The following WASHC2A variants were observed in gnomAD, a reference collection of about 807,000 sequenced individuals.
WASHC2A encodes WASH complex subunit 2A.
Under a neutral mutation model 140.3 loss-of-function variants are expected in WASHC2A, and 82 were observed. The observed-to-expected ratio is 0.58, with a 90% confidence interval of 0.49 to 0.70. The LOEUF (loss-of-function observed/expected upper bound fraction) is 0.70, where lower values mean the gene tolerates loss of function less well. Ranked by LOEUF, WASHC2A falls within the 30% of genes least tolerant of loss-of-function variation. WASHC2A has a pLI of 0.00. For synonymous variants in WASHC2A, 340 were observed against 560.8 expected (o/e 0.61, Z 5.56); for missense variants, 985 against 1,521.8 (o/e 0.65, Z 5.87).
At chr10:50,071,618 TTG>T (rs1425776806) in intron 3 of WASHC2A, among the ~76,000 whole-genome samples, 1 of 150,162 alleles carries the variant, frequency 6.7e-6, no homozygotes, top group East Asian at 1.9e-4. Context: ...GAAGTTTACT[TTG>T]TACCCAGTGT....
At chr10:50,080,070 T>C (rs1838757345) in intron 4 of WASHC2A, among the ~76,000 whole-genome samples, 1 of 152,094 alleles carries the variant, frequency 6.6e-6, no homozygotes, top group African/African-American at 2.4e-5. Context: ...CTAAATATTT[T>C]TCGGTATTTC....
Position 50,093,257 on chromosome 10 carries a change from C to T in WASHC2A, c.1004-11C>T. 9.7e-7 allele frequency: 1 copy of T among 1,028,740 alleles called. No individual in the cohort carries two copies. Among genetic ancestry groups the T allele is most frequent in the African/African-American group, 1.6e-5 (1 of 61,740 alleles). The allele number at this position is 1,028,740 out of a possible 1,614,324, so 63.7% of individuals were successfully genotyped here. On this transcript the variant is annotated splice_polypyrimidine_tract_variant and intron_variant, in intron 11 of 30. Transcript: ENST00000282633. ...AATACTCCCTGCAAAACATTGCTTT[C>T]TGTTTGCTAGATGAAGAGGATAACT...
chr10:50,132,712 C>T (rs1016005209), intron 30 of WASHC2A, 94 bp from the exon 31 acceptor site: 40 of 1,611,202 alleles, frequency 2.5e-5, no homozygotes, highest in Middle Eastern at 2.2e-4. Context: ...ATGCTGTTAC[C>T]AGAGCTGGGT....
chr10:50,126,635 A>G, intron 26 of WASHC2A: 1 of 276,532 alleles, frequency 3.6e-6, no homozygotes, highest in Non-Finnish European at 6.9e-6. Flanking sequence ...CCTCCTGGGA[A>G]CAGCCCAGGA....
At chr10:50,106,159 TG>T (rs1450910569) in intron 18 of WASHC2A, among the ~76,000 whole-genome samples, 174 bp from the exon 19 acceptor site, 358 of 149,478 alleles carry the variant, frequency 2.4e-3, no homozygotes, top group African/African-American at 8.7e-3. Flanking sequence ...CTTCTATGGG[TG>T]CAGTGAGAAA....
intron 17 of WASHC2A, among the ~76,000 whole-genome samples, chr10:50,102,179 G>A (rs1168686854): frequency 1.3e-5 from 2 of 152,164 alleles, no homozygotes; most frequent in South Asian, 2.1e-4. Flanking sequence ...ATCATAGAGC[G>A]AATGTTTTTA....
chr10:50,075,324 A>T (rs1838220645), intron 3 of WASHC2A, among the ~76,000 whole-genome samples: 2 of 150,766 alleles, frequency 1.3e-5, no homozygotes, highest in East Asian at 1.9e-4. Context: ...ATCTTGCCAC[A>T]TTTGCTTCAA....
intron 28 of WASHC2A, among the ~76,000 whole-genome samples, chr10:50,128,836 T>A (rs1843672644): frequency 6.6e-6 from 1 of 152,104 alleles, no homozygotes; most frequent in African/African-American, 2.4e-5. Context: ...GTTTTGAGAT[T>A]ATATGAAAAG....
At chr10:50,070,234 A>G (rs1222280446) in intron 3 of WASHC2A, among the ~76,000 whole-genome samples, 1 of 152,194 alleles carries the variant, frequency 6.6e-6, no homozygotes, top group Non-Finnish European at 1.5e-5. Flanking sequence ...ATTTTTGTCT[A>G]TTTACTGTTT....
In WASHC2A at chr10:50,091,514, G is replaced by C. The variant is rs1241016472; in HGVS notation, c.927G>C (p.Pro309=). ...GDAVGRVDEE[P]TTLPSGEAKP... ...CCGTGGGTCGAGTGGACGAGGAGCC[G>C]ACAAGTGAGCCCCAGCCGCGTTGAT... The change falls in exon 10 of 31, where the codon CCG becomes CCC. Residue 309 remains proline (P), a synonymous_variant. Transcript: ENST00000282633. The C allele has an allele frequency of 3.9e-4, 601 of 1,549,410 alleles. No individual in the cohort carries two copies. Among genetic ancestry groups the C allele is most frequent in the Non-Finnish European group, 4.7e-4 (537 of 1,146,516 alleles).
At position 50,127,677 on chromosome 10, in the gene WASHC2A, C is replaced by T. The variant is rs1195659588; in HGVS notation, c.2969C>T (p.Ser990Leu). ...KPVLPELAFP[S>L]SEHRRSHGLE... ...GTTTTGCCAGAATTGGCTTTTCCTTCATCTGAACACAGAAGGAGCCACGGT... is the reference window on the plus strand; with the variant it reads ...GTTTTGCCAGAATTGGCTTTTCCTTTATCTGAACACAGAAGGAGCCACGGT... The change falls in exon 28 of 31, where the codon TCA becomes TTA. Residue 990 changes from serine to leucine, a missense_variant. Ser to Leu is a moderately radical substitution (Grantham distance 145). Transcript: ENST00000282633. The T allele has an allele frequency of 2.5e-6, 4 of 1,594,486 alleles. No individual in the cohort carries two copies. The highest frequency in any genetic ancestry group is 2.2e-5 in the South Asian group (2 of 89,670).
rs1277468633 is a variant in WASHC2A, at chr10:50,083,904, T to C, written c.529-168T>C. ...AGGATTTGACTTTTAAAAAAATCAG[T>C]GAAAAAAAGAATTTTTTTTTTAACT... On this transcript the variant is annotated intron_variant, in intron 5 of 30. Transcript: ENST00000282633. Among the ~76,000 whole-genome samples, 2 of 101,236 alleles carry C rather than the reference T, an allele frequency of 2.0e-5. 1 individual carries two copies. Among genetic ancestry groups the C allele is most frequent in the Non-Finnish European group, 4.2e-5 (2 of 47,122 alleles). The allele number at this position is 101,236 out of a possible 152,430, so 66.4% of individuals were successfully genotyped here.
At chr10:50,109,810 C>T (rs1228395546) in intron 19 of WASHC2A, among the ~76,000 whole-genome samples, 1 of 152,118 alleles carries the variant, frequency 6.6e-6, no homozygotes, top group Admixed American at 6.5e-5. Flanking sequence ...CGCTCTGTCC[C>T]CCAGGCTGGA....
At chr10:50,076,473 A>G (rs16915234) in intron 3 of WASHC2A, among the ~76,000 whole-genome samples, 110 of 151,732 alleles carry the variant, frequency 7.2e-4, no homozygotes, top group African/African-American at 2.6e-3. Context: ...TCGTTTAAAA[A>G]CAACATTGTT....
At position 50,089,089 on chromosome 10, in the gene WASHC2A, C is replaced by CT. The variant is rs1839648045; in HGVS notation, c.733-1687_733-1686insT. Among the ~76,000 whole-genome samples, 3 of 151,656 alleles carry CT rather than the reference C, an allele frequency of 2.0e-5. No homozygotes were observed. The South Asian group carries it at 6.2e-4, about 32-fold the overall frequency. On this transcript the variant is annotated intron_variant, in intron 8 of 30. Coordinates refer to ENST00000282633, the MANE Select transcript of WASHC2A (RefSeq NM_001005751.3). ...AAGTGATTCTCATGCCTCAGCCTCC[C>CT]AAGTAGCTGGGATTATAGGCATGTG... is the stretch of plus-strand genomic sequence containing the variant.
chr10:50,105,160 A>G (rs1841628944), intron 18 of WASHC2A, among the ~76,000 whole-genome samples: 1 of 152,034 alleles, frequency 6.6e-6, no homozygotes. Flanking sequence ...GTGGAGATAC[A>G]AAGGAGAAGG....
intron 5 of WASHC2A, among the ~76,000 whole-genome samples, chr10:50,082,078 A>C (rs1420838568): frequency 1.1e-4 from 17 of 152,100 alleles, no homozygotes; most frequent in Non-Finnish European, 2.2e-4. Flanking sequence ...AAAAGTCAGC[A>C]GTGGACTCTG....
At chr10:50,092,720 T>A (rs1284670727) in intron 11 of WASHC2A, among the ~76,000 whole-genome samples, 1 of 151,300 alleles carries the variant, frequency 6.6e-6, no homozygotes, top group Non-Finnish European at 1.5e-5. Flanking sequence ...GGGTGTGGAG[T>A]AAAAATTCCT....
At chr10:50,087,474 A>G (rs1178183889) in intron 8 of WASHC2A, 152 bp downstream of exon 8, 15 of 992,758 alleles carry the variant, frequency 1.5e-5, no homozygotes, top group Non-Finnish European at 2.3e-5. Flanking sequence ...TATTTAGGCT[A>G]ACTACCTCCT....
Sources: gnomAD v4.1 joint callset for allele counts (sites outside exome capture counted in the v4.1 genomes callset) on GRCh38, gnomAD v4.1.1 for gene constraint, MANE v1.5 for transcripts, NCBI Gene and HGNC (gene_info 2026-07-23, HGNC 2026-07-21) for gene names.